Variants in ACOX1 observed in about 807,000 individuals in gnomAD.
The protein encoded by ACOX1 is peroxisomal acyl-coenzyme A oxidase 1.
ACOX1 carries 41 observed loss-of-function variants against 75.5 expected under a neutral mutation model. The ratio of observed to expected loss-of-function variants is 0.54; its 90% CI spans 0.42 to 0.70. The LOEUF (loss-of-function observed/expected upper bound fraction) is 0.70. Among genes scored for constraint, ACOX1 ranks in the 30% least tolerant of loss-of-function variants. The pLI is 0.00. For missense variants in ACOX1, 630 were observed against 837.5 expected (o/e 0.75, Z 3.06); for synonymous variants, 303 against 298.8 (o/e 1.01, Z -0.15).
chr17:75,955,641 A>G lies in ACOX1; in HGVS notation c.699T>C (p.Asp233=). 6.2e-7 allele frequency: 1 copy of G among 1,614,218 alleles called. No homozygotes were observed. The highest frequency in any genetic ancestry group is 8.5e-7 in the Non-Finnish European group (1 of 1,180,034). The change falls in exon 6 of 14, where the codon GAT becomes GAC. Residue 233 remains aspartate, a synonymous_variant. Coordinates refer to ENST00000293217, the MANE Select transcript of ACOX1 (RefSeq NM_004035.7). The part of the protein sequence containing the change: ...VGDIGPKFGY[D]EIDNGYLKMD... ...TTTTGAGGTAGCCATTGTCTATCTC[A>G]TCATAACCAAATTTGGGGCCGATGT... is the stretch of plus-strand genomic sequence containing the variant.
chr17:75,967,672 A>G (rs567055370), intron 2 of ACOX1, among the ~76,000 whole-genome samples: 21 of 94,206 alleles, frequency 2.2e-4, no homozygotes, highest in East Asian at 8.5e-4. Context: ...ATATATATAC[A>G]TATATATACG....
chr17:75,966,452 G>A (rs915009501), intron 2 of ACOX1, among the ~76,000 whole-genome samples: 8 of 150,454 alleles, frequency 5.3e-5, no homozygotes, highest in African/African-American at 7.3e-5. Context: ...GCAAGACTCC[G>A]TCTTAAAAAT....
chr17:75,958,792 A>G (rs1479429919), intron 3 of ACOX1, among the ~76,000 whole-genome samples: 9 of 143,584 alleles, frequency 6.3e-5, no homozygotes, highest in Admixed American at 4.8e-4. Context: ...TGGGCGACAG[A>G]GCACGACTCC....
intron 2 of ACOX1, among the ~76,000 whole-genome samples, chr17:75,977,243 G>A (rs1740306012): frequency 6.6e-6 from 1 of 151,784 alleles, no homozygotes; most frequent in African/African-American, 2.4e-5. Context: ...TGATCCACCT[G>A]CCTTGGCTTC....
rs767721951 is a variant in ACOX1 at position 75,955,604 on chromosome 17, G to A, written c.736C>T (p.Arg246Cys). Reference protein sequence around the residue: ...DNGYLKMDNHRIPRENMLMKY... With the variant: ...DNGYLKMDNHCIPRENMLMKY... ...ATCAGCATGTTTTCTCTGGGAATACGATGGTTGTCCATTTTGAGGTAGCCA... is the reference window on the plus strand; with the variant it reads ...ATCAGCATGTTTTCTCTGGGAATACAATGGTTGTCCATTTTGAGGTAGCCA... Residue 246 changes from arginine (R) to cysteine (C), a missense_variant, in exon 6 of 14, where the codon CGT (arginine) becomes TGT (cysteine). Arg to Cys is a radical substitution (Grantham distance 180, BLOSUM62 -3). Transcript: ENST00000293217. The A allele has an allele frequency of 3.7e-6, 6 of 1,614,124 alleles. No individual in the cohort carries two copies. The highest frequency in any genetic ancestry group is 3.3e-5 in the South Asian group (3 of 91,080).
chr17:75,952,830 CAAA>C (rs561945963), intron 7 of ACOX1, among the ~76,000 whole-genome samples: 7 of 75,140 alleles, frequency 9.3e-5, no homozygotes, highest in Admixed American at 2.9e-4. Context: ...GAATCCATCT[CAAA>C]AAAAAAAAAA....
intron 7 of ACOX1, among the ~76,000 whole-genome samples, chr17:75,952,043 G>C (rs933646048): frequency 1.6e-4 from 24 of 152,048 alleles, no homozygotes; most frequent in Admixed American, 6.6e-5. Flanking sequence ...GAATTTTCTG[G>C]CTGCAAAGTC....
intron 2 of ACOX1, chr17:75,973,897 C>A: frequency 9.7e-7 from 1 of 1,035,190 alleles, no homozygotes; most frequent in Non-Finnish European, 1.4e-6. Flanking sequence ...AAATGTAAAC[C>A]CCCTTCTTAT....
At chr17:75,958,363 AAAAAAG>A (rs1022169774) in intron 3 of ACOX1, among the ~76,000 whole-genome samples, 15 of 147,450 alleles carry the variant, frequency 1.0e-4, no homozygotes, top group East Asian at 2.0e-4. Flanking sequence ...AAAAAAAAAA[AAAAAAG>A]AAAAAGAAAA....
At chr17:75,951,296 G>T in intron 8 of ACOX1, 119 bp downstream of exon 8, 1 of 1,288,100 alleles carries the variant, frequency 7.8e-7, no homozygotes, top group Admixed American at 1.9e-5. Flanking sequence ...ACCAGAAGAA[G>T]TTCTCAGAAT....
rs1238376050 is a variant in ACOX1 at position 75,943,255 on chromosome 17, C to T, written c.*3493G>A. 1 of 151,024 alleles carries T rather than the reference C, an allele frequency of 6.6e-6. No individual in the cohort carries two copies. The highest frequency in any genetic ancestry group is 1.9e-4 in the East Asian group (1 of 5,172). The allele number at this position is 151,024 out of a possible 1,614,324, so 9.4% of individuals were successfully genotyped here. On this transcript the variant is annotated 3_prime_UTR_variant, in exon 14 of 14. Transcript: ENST00000293217. ...AAAAAATTAACATGTTGGCCCAGTG[C>T]AGTAGCTCACTCCTGTAATCCCAAC...
chr17:75,959,129 C>A (rs1261089289), intron 3 of ACOX1, among the ~76,000 whole-genome samples: 1 of 152,166 alleles, frequency 6.6e-6, no homozygotes, highest in Non-Finnish European at 1.5e-5. Flanking sequence ...CGTTGGGAAC[C>A]TTTTACCAAT....
rs139373608 is a variant in ACOX1, at chr17:75,947,686, TTG to T, written c.1935+563_1935+564del. ...TCTCTTTTTGTATATTTTATTCTATTTGTGTGTGTGTGTGTGTGTGTATACTT... is the reference window on the plus strand; with the variant it reads ...TCTCTTTTTGTATATTTTATTCTATTTGTGTGTGTGTGTGTGTGTATACTT... On this transcript the variant is annotated intron_variant, in intron 13 of 13. Coordinates refer to ENST00000293217, the MANE Select transcript of ACOX1 (RefSeq NM_004035.7). Among the ~76,000 whole-genome samples the T allele has an allele frequency of 2.1e-4, 31 of 149,388 alleles. 1 individual carries two copies. The East Asian group carries it at 2.4e-3, about 11-fold the overall frequency.
Position 75,979,131 on chromosome 17 carries a change from A to G in ACOX1, c.-58T>C, listed in dbSNP as rs2066090988. 1 of 1,598,144 alleles carries G rather than the reference A, an allele frequency of 6.3e-7. No homozygotes were observed. Among genetic ancestry groups the G allele is most frequent in the African/African-American group, 1.3e-5 (1 of 74,650 alleles). ...GACCGAGGTGGCAGTGACAATCTAA[A>G]TCCGCAGCTCCAGCGCCGGCCGGAC... On this transcript the variant is annotated 5_prime_UTR_variant, in exon 1 of 14. Coordinates refer to ENST00000293217, the MANE Select transcript of ACOX1 (RefSeq NM_004035.7).
chr17:75,968,434 T>TG (rs1275145493), intron 2 of ACOX1, among the ~76,000 whole-genome samples: 1 of 38,752 alleles, frequency 2.6e-5, no homozygotes, highest in South Asian at 6.5e-4. Flanking sequence ...AGACTCCGTC[T>TG]CAAAAAAAAA....
chr17:75,973,760 G>A (rs758534674), intron 2 of ACOX1: 6 of 1,614,130 alleles, frequency 3.7e-6, no homozygotes, highest in South Asian at 1.1e-5. Context: ...AGGCCCACAG[G>A]TTCCACAAAA....
At position 75,964,948 on chromosome 17, in the gene ACOX1, C is replaced by CA. The variant is rs567096300; in HGVS notation, c.270-4574_270-4573insT. ...AGAAAGGAAGAAATAAAAAGCAGCT[C>CA]TGTAGAAAGCATGAGTATCATCCTA... On this transcript the variant is annotated intron_variant, in intron 2 of 13. Transcript: ENST00000293217. 2.2e-3 allele frequency among the ~76,000 whole-genome samples: 338 copies of CA among 152,126 alleles called. 2 individuals are homozygous for CA. The highest frequency in any genetic ancestry group is 4.2e-3 in the Non-Finnish European group (285 of 68,000).
At chr17:75,954,344 A>C (rs1471697050) in intron 6 of ACOX1, among the ~76,000 whole-genome samples, 1 of 151,068 alleles carries the variant, frequency 6.6e-6, no homozygotes, top group East Asian at 2.0e-4. Flanking sequence ...AACAGGGTGA[A>C]ACCCCACCTC....
chr17:75,973,322 A>C, intron 2 of ACOX1: 1 of 403,326 alleles, frequency 2.5e-6, no homozygotes, highest in Non-Finnish European at 4.7e-6. Context: ...TTTCCAACAA[A>C]GTCTTTACTC....
Sources: gnomAD v4.1 joint callset for allele counts (sites outside exome capture counted in the v4.1 genomes callset) on GRCh38, gnomAD v4.1.1 for gene constraint, MANE v1.5 for transcripts, NCBI Gene and HGNC (gene_info 2026-07-23, HGNC 2026-07-21) for gene names.